MATN3: variants seen among roughly 807,000 people sequenced by gnomAD.
The protein encoded by MATN3 is matrilin-3.
In MATN3, 48 loss-of-function variants were observed where a neutral mutation model predicts 45.3. The observed-to-expected ratio is 1.06, with a 90% CI of 0.84 to 1.35. The LOEUF is 1.35. Among genes scored for constraint, MATN3 ranks in the 40% most tolerant of loss-of-function variants. The pLI is 0.00. For missense variants in MATN3, 599 were observed against 628.0 expected (o/e 0.95, Z 0.49); for synonymous variants, 217 against 245.9 (o/e 0.88, Z 1.10).
At chr2:20,007,861 C>A (rs1673140214) in intron 1 of MATN3, among the ~76,000 whole-genome samples, 1 of 152,334 alleles carries the variant, frequency 6.6e-6, no homozygotes, top group Admixed American at 6.5e-5. Context: ...CTTTCCTGTT[C>A]TTTCCTGTTT....
intron 2 of MATN3, chr2:20,004,266 T>C (rs1450220831): frequency 6.6e-6 from 1 of 152,182 alleles, no homozygotes; most frequent in Non-Finnish European, 1.5e-5. Context: ...AACAAGCAGG[T>C]CTTTTGTACC....
rs1489556883 is a variant in MATN3, at chr2:20,006,168, C to T, written c.366G>A (p.Val122=). The part of the protein sequence containing the change: ...TLDIGPADTR[V]AVVNYASTVK... ...CAGTGCTAGCATAGTTCACCACTGC[C>T]ACCCGCGTGTCGGCTGGCCCAATGT... Residue 122 remains valine, a synonymous_variant, in exon 2 of 8, where the codon GTG becomes GTA. Coordinates refer to ENST00000407540, the MANE Select transcript of MATN3 (RefSeq NM_002381.5). 6.2e-7 allele frequency: 1 copy of T among 1,613,870 alleles called. No homozygotes were observed. Among genetic ancestry groups the T allele is most frequent in the African/African-American group, 1.3e-5 (1 of 74,928 alleles).
At chr2:20,005,258 A>G (rs1387854765) in intron 2 of MATN3, among the ~76,000 whole-genome samples, 1 of 152,196 alleles carries the variant, frequency 6.6e-6, no homozygotes, top group African/African-American at 2.4e-5. Context: ...TGACATTGGA[A>G]TAGAGGCCTG....
At chr2:19,999,626 TAAAA>T (rs56100312) in intron 5 of MATN3, among the ~76,000 whole-genome samples, 8 of 120,190 alleles carry the variant, frequency 6.7e-5, no homozygotes, top group Admixed American at 6.2e-4. Flanking sequence ...GGTTTCCCTT[TAAAA>T]AAAAAAAAAA....
chr2:20,005,297 C>T (rs1673072680), intron 2 of MATN3, among the ~76,000 whole-genome samples: 1 of 152,146 alleles, frequency 6.6e-6, no homozygotes, highest in South Asian at 2.1e-4. Flanking sequence ...GACGCTTCTC[C>T]CTGTCTTCTG....
intron 5 of MATN3, among the ~76,000 whole-genome samples, chr2:19,999,778 G>A (rs1398123741): frequency 1.3e-5 from 2 of 152,122 alleles, no homozygotes; most frequent in African/African-American, 4.8e-5. Flanking sequence ...GGCACCTTGA[G>A]AGCTTGGAAT....
Position 20,012,501 on chromosome 2 carries a change from G to C in MATN3, c.131C>G (p.Pro44Arg). 8.1e-7 allele frequency: 1 copy of C among 1,228,762 alleles called. No homozygotes were observed. The highest frequency in any genetic ancestry group is 4.2e-5 in the Admixed American group (1 of 23,566). 76.1% of individuals were successfully genotyped at this position (1,228,762 alleles called of 1,614,324 possible). Residue 44 changes from proline to arginine, a missense_variant, in exon 1 of 8, where the codon CCC (proline) becomes CGC (arginine). Transcript: ENST00000407540. The surrounding 1 kb of genome is among the most constrained non-coding windows in gnomAD (Gnocchi z 4.3). The stretch of plus-strand genomic sequence containing the variant: ...GGGGCGGCGTCCAGGGCTGCCCCCG[G>C]GACCTCGGGTCTCCAGCCTCCGGAA... ...PGFRRLETRG[P>R]GGSPGRRPSP...
At chr2:19,996,982 G>A (rs1168629655) in intron 6 of MATN3, among the ~76,000 whole-genome samples, 152 bp downstream of exon 6, 7 of 152,162 alleles carry the variant, frequency 4.6e-5, no homozygotes, top group African/African-American at 1.7e-4. Context: ...TGGTATAGGG[G>A]TATCATTGTT....
At position 20,012,467 on chromosome 2, in the gene MATN3, C is replaced by T. The variant is rs1386730417; in HGVS notation, c.165G>A (p.Ala55=). 16 of 1,229,172 alleles carry T rather than the reference C, an allele frequency of 1.3e-5. No individual in the cohort carries two copies. The highest frequency in any genetic ancestry group is 4.2e-5 in the Admixed American group (1 of 23,586). 76.1% of individuals were successfully genotyped at this position (1,229,172 alleles called of 1,614,324 possible). Reference sequence around the variant, plus strand: ...CGGAAGCGGGCGCGCCGTCGGGAGCCGCAGGAGAGGGGCGGCGTCCAGGGC... The same window carrying T: ...CGGAAGCGGGCGCGCCGTCGGGAGCTGCAGGAGAGGGGCGGCGTCCAGGGC... ...GGSPGRRPSP[A]APDGAPASGT... The change falls in exon 1 of 8, where the codon GCG becomes GCA. Residue 55 remains alanine, a synonymous_variant. Coordinates refer to ENST00000407540, the MANE Select transcript of MATN3 (RefSeq NM_002381.5). This position sits in a 1 kb window ranked among gnomAD's most constrained non-coding sequence, Gnocchi z 4.3.
chr2:20,000,851 C>A (rs1369081512), intron 4 of MATN3, among the ~76,000 whole-genome samples: 1 of 152,162 alleles, frequency 6.6e-6, no homozygotes, highest in Non-Finnish European at 1.5e-5. Flanking sequence ...TCCTTTTAGG[C>A]TTATTGTACT....
In MATN3 at chr2:20,012,349, G is replaced by T; in HGVS notation, c.223+60C>A. On this transcript the variant is annotated intron_variant, in intron 1 of 7. Coordinates refer to ENST00000407540, the MANE Select transcript of MATN3 (RefSeq NM_002381.5). This position sits in a 1 kb window ranked among gnomAD's most constrained non-coding sequence, Gnocchi z 4.3. ...GAGGCCGGGATGAAGCGCGCTTGGTGGATGCCCTGGGCTTCTCCTCGTTCG... is the reference window on the plus strand; with the variant it reads ...GAGGCCGGGATGAAGCGCGCTTGGTTGATGCCCTGGGCTTCTCCTCGTTCG... 8.4e-7 allele frequency: 1 copy of T among 1,184,276 alleles called. No homozygotes were observed. The highest frequency in any genetic ancestry group is 1.1e-6 in the Non-Finnish European group (1 of 946,492). 73.4% of individuals were successfully genotyped at this position (1,184,276 alleles called of 1,614,324 possible).
intron 2 of MATN3, 82 bp downstream of exon 2, chr2:20,005,662 A>G (rs78069341): frequency 1.3e-5 from 15 of 1,198,036 alleles, no homozygotes; most frequent in Admixed American, 2.9e-5. Context: ...TCCACCAAAA[A>G]AGAATAATAC....
intron 4 of MATN3, among the ~76,000 whole-genome samples, chr2:20,001,527 G>A (rs1477895291): frequency 6.6e-6 from 1 of 152,118 alleles, no homozygotes; most frequent in East Asian, 1.9e-4. Context: ...CCACAGTATT[G>A]AGCACAGCAT....
intron 2 of MATN3, 89 bp downstream of exon 2, chr2:20,005,655 A>AC: frequency 8.8e-7 from 1 of 1,132,952 alleles, no homozygotes; most frequent in South Asian, 1.7e-5. Context: ...TTAAATTTCC[A>AC]CCAAAAAAGA....
chr2:19,996,544 G>C (rs556523029), intron 6 of MATN3, among the ~76,000 whole-genome samples: 3 of 152,226 alleles, frequency 2.0e-5, no homozygotes, highest in South Asian at 4.1e-4. Flanking sequence ...GCATTGAGGG[G>C]AGGGTGGGAA....
At position 19,995,314 on chromosome 2, in the gene MATN3, G is replaced by C. The variant is rs184186913; in HGVS notation, c.1295-905C>G. On this transcript the variant is annotated intron_variant, in intron 6 of 7. Transcript: ENST00000407540. This position sits in a 1 kb window ranked among gnomAD's most constrained non-coding sequence, Gnocchi z 4.2. ...ATAAAGACACAAAAATTAGCTGGGC[G>C]TGGTGGCCCATGCCTGTAATCCCAG... Among the ~76,000 whole-genome samples the C allele has an allele frequency of 2.6e-5, 4 of 151,632 alleles. No individual in the cohort carries two copies. The highest frequency in any genetic ancestry group is 4.4e-5 in the Non-Finnish European group (3 of 67,918).
rs1161664037 is a variant in MATN3, at chr2:20,012,285, T to C, written c.223+124A>G. ...ACCTCAGTTTCCCCCACAGGATTCA[T>C]CCGGGAGGGGCCTCTTTCCCCCGCA... On this transcript the variant is annotated intron_variant, in intron 1 of 7. Transcript: ENST00000407540. This position sits in a 1 kb window ranked among gnomAD's most constrained non-coding sequence, Gnocchi z 4.3. 6 of 658,720 alleles carry C rather than the reference T, an allele frequency of 9.1e-6. No homozygotes were observed. Among genetic ancestry groups the C allele is most frequent in the Non-Finnish European group, 1.1e-5 (5 of 467,706 alleles). The allele number at this position is 658,720 out of a possible 1,614,324, so 40.8% of individuals were successfully genotyped here. A position where few individuals can be genotyped will look rare whatever the true frequency, so the allele number is the denominator to read the frequency against.
Position 20,012,549 on chromosome 2 carries a change from G to T in MATN3, c.83C>A (p.Pro28His), listed in dbSNP as rs1266524495. The change falls in exon 1 of 8, where the codon CCC becomes CAC. Residue 28 changes from proline to histidine, a missense_variant. Physicochemically the swap from Pro to His is moderately conservative, Grantham distance 77. Coordinates refer to ENST00000407540, the MANE Select transcript of MATN3 (RefSeq NM_002381.5). The surrounding 1 kb of genome is among the most constrained non-coding windows in gnomAD (Gnocchi z 4.3). ...WPLLLLPSAA[P>H]DPVARPGFRR... ...GAAGCCCGGGCGGGCCACGGGGTCG[G>T]GGGCGGCGGAGGGCAGCAGCAGCAG... The T allele has an allele frequency of 2.4e-6, 3 of 1,226,688 alleles. No homozygotes were observed. Among genetic ancestry groups the T allele is most frequent in the Middle Eastern group, 3.2e-4 (1 of 3,172 alleles). The allele number at this position is 1,226,688 out of a possible 1,614,324, so 76.0% of individuals were successfully genotyped here.
At chr2:19,996,338 CTAAAATAAAA>C (rs912449439) in intron 6 of MATN3, among the ~76,000 whole-genome samples, 1 of 151,728 alleles carries the variant, frequency 6.6e-6, no homozygotes, top group African/African-American at 2.4e-5. Flanking sequence ...TAAAGAAGAC[CTAAAATAAAA>C]TAAAATTAAA....
Sources: allele counts gnomAD v4.1 joint callset (sites outside exome capture counted in the v4.1 genomes callset), GRCh38; gene constraint gnomAD v4.1.1; non-coding constraint Gnocchi (gnomAD v3.1); transcripts MANE v1.5; gene names NCBI Gene and HGNC (gene_info 2026-07-23, HGNC 2026-07-21).